Variants in PSPH observed in about 807,000 individuals in gnomAD.
PSPH encodes phosphoserine phosphatase, also known as L-3-phosphoserine phosphatase.
Under a neutral mutation model 23.4 loss-of-function variants are expected in PSPH, and 16 were observed. The ratio of observed to expected loss-of-function variants is 0.68; its 90% confidence interval spans 0.46 to 1.04. PSPH has a LOEUF of 1.04. PSPH is among the 50% of genes least tolerant of loss of function. The probability of loss-of-function intolerance (pLI) is 0.00; values close to 1 mark genes in which losing one functional copy is unlikely to be tolerated. For synonymous variants in PSPH, 68 were observed against 99.7 expected (o/e 0.68, Z 1.89); for missense variants, 223 against 273.7 (o/e 0.81, Z 1.31).
intron 1 of PSPH, among the ~76,000 whole-genome samples, chr7:56,040,276 G>C (rs1792338131): frequency 6.6e-6 from 1 of 152,064 alleles, no homozygotes; most frequent in African/African-American, 2.4e-5. Context: ...TATCGTTTGA[G>C]CCATTTTTGA....
chr7:56,014,393 G>A (rs558479454), intron 7 of PSPH, among the ~76,000 whole-genome samples: 2 of 152,274 alleles, frequency 1.3e-5, no homozygotes, highest in East Asian at 3.9e-4. Flanking sequence ...TCTTGGGTTT[G>A]CACAAAGTTG....
rs1273067433 is a variant in PSPH at position 56,051,368 on chromosome 7, G to A, written c.-522C>T. On this transcript the variant is annotated 5_prime_UTR_variant, in exon 1 of 8. Coordinates refer to ENST00000275605, the MANE Select transcript of PSPH (RefSeq NM_004577.4). ...CTCACAGCACCGCATGATTCCGGGGGAGGGTGCTTATCAGACTCGCGTGTG... is the reference window on the plus strand; with the variant it reads ...CTCACAGCACCGCATGATTCCGGGGAAGGGTGCTTATCAGACTCGCGTGTG... The A allele has an allele frequency of 1.7e-5, 3 of 178,620 alleles. No individual in the cohort carries two copies. The highest frequency in any genetic ancestry group is 3.6e-5 in the Non-Finnish European group (3 of 84,006). 11.1% of individuals were successfully genotyped at this position (178,620 alleles called of 1,614,324 possible).
intron 1 of PSPH, among the ~76,000 whole-genome samples, chr7:56,046,721 T>C (rs768286521): frequency 8.7e-5 from 13 of 149,620 alleles, no homozygotes; most frequent in Admixed American, 2.0e-4. Flanking sequence ...AAGGTGGAGG[T>C]TGCAGTGAGC....
chr7:56,014,858 G>T (rs572653955), intron 7 of PSPH, among the ~76,000 whole-genome samples, 165 bp downstream of exon 7: 1 of 152,174 alleles, frequency 6.6e-6, no homozygotes, highest in East Asian at 1.9e-4. Flanking sequence ...CACAAGAATG[G>T]TTTGAACCCA....
At chr7:56,019,419 A>T (rs1053479379) in intron 5 of PSPH, among the ~76,000 whole-genome samples, 181 bp downstream of exon 5, 4 of 152,170 alleles carry the variant, frequency 2.6e-5, no homozygotes, top group African/African-American at 9.7e-5. Flanking sequence ...AGCCTGAGTG[A>T]CAGAGTGAGA....
At position 56,041,910 on chromosome 7, in the gene PSPH, C is replaced by T. The variant is rs144643708; in HGVS notation, c.-291-7804G>A. On this transcript the variant is annotated intron_variant, in intron 1 of 7. Coordinates refer to ENST00000275605, the MANE Select transcript of PSPH (RefSeq NM_004577.4). The stretch of plus-strand genomic sequence containing the variant: ...TGGCACTCTAGCCTGGGCAACAGAG[C>T]GAGACTCTGTCTCAAAAAAAAAAAG... 3.5e-4 allele frequency among the ~76,000 whole-genome samples: 52 copies of T among 149,876 alleles called. 2 individuals carry two copies. The highest frequency in any genetic ancestry group is 1.2e-3 in the African/African-American group (48 of 40,752).
In PSPH at chr7:56,037,703, CA is replaced by C. The variant is rs77950934; in HGVS notation, c.-291-3598del. On this transcript the variant is annotated intron_variant, in intron 1 of 7. Coordinates refer to ENST00000275605, the MANE Select transcript of PSPH (RefSeq NM_004577.4). ...TATAGATCACATTTTTGTAAGCTAA[CA>C]AATTTTTTTTTTTTTTTTTTTTTTT... Among the ~76,000 whole-genome samples, 305 of 139,648 alleles carry C rather than the reference CA, an allele frequency of 2.2e-3. 4 individuals are homozygous for C. The highest frequency in any genetic ancestry group is 3.2e-3 in the Non-Finnish European group (207 of 65,234). The allele number at this position is 139,648 out of a possible 152,430, so 91.6% of individuals were successfully genotyped here. A position where few individuals can be genotyped will look rare whatever the true frequency, so the allele number is the denominator to read the frequency against.
rs1287155934 is a variant in PSPH at position 56,038,672 on chromosome 7, A to G, written c.-291-4566T>C. On this transcript the variant is annotated intron_variant, in intron 1 of 7. Transcript: ENST00000275605. ...CAACATACTAAGACCTAATCTGTAC[A>G]AAAAATAAACAAAATTAGCTGGACG... is the stretch of plus-strand genomic sequence containing the variant. 9.2e-5 allele frequency among the ~76,000 whole-genome samples: 14 copies of G among 151,874 alleles called. 1 individual carries two copies. Among genetic ancestry groups the G allele is most frequent in the Non-Finnish European group, 2.1e-4 (14 of 67,972 alleles).
intron 1 of PSPH, among the ~76,000 whole-genome samples, chr7:56,034,475 G>A (rs941124590): frequency 1.3e-5 from 2 of 152,182 alleles, no homozygotes; most frequent in African/African-American, 4.8e-5. Context: ...GGCATTATAC[G>A]CTTGCAGCAG....
At chr7:56,050,019 C>T (rs1377994264) in intron 1 of PSPH, among the ~76,000 whole-genome samples, 5 of 152,058 alleles carry the variant, frequency 3.3e-5, no homozygotes, top group African/African-American at 1.2e-4. Context: ...TACAAGCGTG[C>T]GCCACCATGC....
intron 3 of PSPH, among the ~76,000 whole-genome samples, chr7:56,030,414 A>G (rs1054280356): frequency 3.4e-4 from 51 of 151,716 alleles, no homozygotes; most frequent in Non-Finnish European, 7.4e-4. Flanking sequence ...GTGAGCCACC[A>G]TGCCCGGCCT....
intron 3 of PSPH, among the ~76,000 whole-genome samples, chr7:56,030,272 G>A (rs1161057459): frequency 3.9e-5 from 6 of 151,932 alleles, no homozygotes; most frequent in Non-Finnish European, 7.4e-5. Context: ...ACCACACCCA[G>A]GTAATTTTTG....
chr7:56,027,632 A>G (rs1156444081), intron 3 of PSPH, among the ~76,000 whole-genome samples: 1 of 149,550 alleles, frequency 6.7e-6, no homozygotes, highest in African/African-American at 2.5e-5. Context: ...GTTTGCAGTG[A>G]GCCGAGATCC....
chr7:56,034,421 T>G (rs1389751733), intron 1 of PSPH, among the ~76,000 whole-genome samples: 2 of 152,296 alleles, frequency 1.3e-5, no homozygotes, highest in East Asian at 3.9e-4. Flanking sequence ...GATTTAGCAA[T>G]TAGTGAAATC....
chr7:56,025,111 C>T (rs1435897370), intron 3 of PSPH, among the ~76,000 whole-genome samples: 1 of 151,978 alleles, frequency 6.6e-6, no homozygotes, highest in Non-Finnish European at 1.5e-5. Flanking sequence ...ACCAGAGCCA[C>T]AGTACCCAGC....
chr7:56,015,169 C>A lies in PSPH; in HGVS notation c.424G>T (p.Glu142Ter), dbSNP rs1788411017. Residue 142 changes from glutamate to a stop codon, truncating the protein, a stop_gained and splice_region_variant, in exon 7 of 8, where the codon GAA (glutamate) becomes TAA (stop). Transcript: ENST00000275605. LOFTEE classifies it high-confidence loss of function. ...ANRLKFYFNG[E>*]YAGFDETQPT... is the part of the protein sequence containing the mutation. Reference sequence around the variant, plus strand: ...TGCGTCTCATCAAAACCTGCATATTCACCTTAAAAGAGAAATAAAAATAGG... The same window carrying A: ...TGCGTCTCATCAAAACCTGCATATTAACCTTAAAAGAGAAATAAAAATAGG... 1 of 1,613,766 alleles carries A rather than the reference C, an allele frequency of 6.2e-7. No individual in the cohort carries two copies. Among genetic ancestry groups the A allele is most frequent in the Admixed American group, 1.7e-5 (1 of 59,966 alleles).
chr7:56,039,397 G>A lies in PSPH; in HGVS notation c.-291-5291C>T, dbSNP rs146586913. 2.6e-3 allele frequency among the ~76,000 whole-genome samples: 394 copies of A among 152,232 alleles called. 3 individuals carry two copies. The highest frequency in any genetic ancestry group is 8.7e-3 in the African/African-American group (360 of 41,556). ...ATTATAATAATTTTCCTTTAAGTAG[G>A]ATGGTAGGTATACGGATGCTTTTTA... On this transcript the variant is annotated intron_variant, in intron 1 of 7. Transcript: ENST00000275605.
At chr7:56,015,889 C>T (rs1003617445) in intron 6 of PSPH, among the ~76,000 whole-genome samples, 3 of 151,310 alleles carry the variant, frequency 2.0e-5, no homozygotes, top group African/African-American at 4.9e-5. Context: ...AACTCCTGAC[C>T]GCAGGTGATC....
chr7:56,030,285 T>C (rs181590055), intron 3 of PSPH, among the ~76,000 whole-genome samples: 7 of 152,034 alleles, frequency 4.6e-5, no homozygotes, highest in Non-Finnish European at 1.0e-4. Context: ...AATTTTTGTA[T>C]TTTTAGTGGA....
Sources: gnomAD v4.1 joint callset for allele counts (sites outside exome capture counted in the v4.1 genomes callset) on GRCh38, gnomAD v4.1.1 for gene constraint, MANE v1.5 for transcripts, NCBI Gene and HGNC (gene_info 2026-07-23, HGNC 2026-07-21) for gene names.